CUX1: variants seen among roughly 807,000 people sequenced by gnomAD.
CUX1 encodes protein CASP.
Under a neutral mutation model 158.8 loss-of-function variants are expected in CUX1, and 31 were observed. That is an observed-to-expected ratio of 0.20 (90% confidence interval 0.15 to 0.26). The LOEUF is 0.26. CUX1 is among the 10% of genes least tolerant of loss of function. The probability of loss-of-function intolerance (pLI) is 1.00; values close to 1 mark genes in which losing one functional copy is unlikely to be tolerated. For synonymous variants in CUX1, 879 were observed against 862.1 expected (o/e 1.02, Z -0.34); for missense variants, 1,589 against 2,014.6 (o/e 0.79, Z 4.04).
chr7:101,836,228 G>T (rs1013755350), intron 1 of CUX1, among the ~76,000 whole-genome samples: 1 of 152,118 alleles, frequency 6.6e-6, no homozygotes, highest in Non-Finnish European at 1.5e-5. Context: ...CACCCAGCCC[G>T]TTCCATCTCT....
chr7:102,205,978 T>C (rs1191671089), intron 20 of CUX1, among the ~76,000 whole-genome samples: 1 of 152,142 alleles, frequency 6.6e-6, no homozygotes, highest in Non-Finnish European at 1.5e-5. Flanking sequence ...GCTGGTCCTC[T>C]TTTTCCCTTT....
At chr7:102,258,302 G>A (rs1790114919), downstream of CUX1, 1 of 578,968 alleles carries the variant, frequency 1.7e-6, no homozygotes. Context: ...GTCATTCGAG[G>A]TCCAAAGGGC....
At chr7:101,912,742 C>G (rs980256270) in intron 1 of CUX1, among the ~76,000 whole-genome samples, 11 of 152,270 alleles carry the variant, frequency 7.2e-5, no homozygotes, top group Admixed American at 2.0e-4. Context: ...ATTATCATAT[C>G]CCTTACAATA....
At position 102,257,575 on chromosome 7, in the gene CUX1, G is replaced by A. The variant is rs1399490201; in HGVS notation, c.*8533G>A. 1.7e-5 allele frequency: 17 copies of A among 985,170 alleles called. No homozygotes were observed. The highest frequency in any genetic ancestry group is 5.2e-4 in the Middle Eastern group (1 of 1,936). The allele number at this position is 985,170 out of a possible 1,614,324, so 61.0% of individuals were successfully genotyped here. On this transcript the variant is annotated 3_prime_UTR_variant, in exon 24 of 24. Coordinates refer to ENST00000292535, the MANE Select transcript of CUX1 (RefSeq NM_181552.4). ...TTGAATAAGAGACCTAGTTCTTTGC[G>A]TTTGTGCAATAACTCTTTGCTGCTT...
intron 1 of CUX1, among the ~76,000 whole-genome samples, chr7:101,824,935 C>G (rs961983129): frequency 2.0e-5 from 3 of 152,330 alleles, no homozygotes; most frequent in Admixed American, 2.0e-4. Flanking sequence ...TTCTGTGTCA[C>G]TCTGAAAGGT....
At chr7:101,907,054 A>C (rs1802839269) in intron 1 of CUX1, among the ~76,000 whole-genome samples, 1 of 152,218 alleles carries the variant, frequency 6.6e-6, no homozygotes, top group Non-Finnish European at 1.5e-5. Context: ...GTAGTGAATC[A>C]AAGCCTGTCA....
At chr7:101,882,022 TAA>T (rs71517195) in intron 1 of CUX1, among the ~76,000 whole-genome samples, 42 of 98,076 alleles carry the variant, frequency 4.3e-4, no homozygotes, top group Admixed American at 1.7e-3. Context: ...TACCCAAAAA[TAA>T]AAAAAAAAAA....
intron 3 of CUX1, among the ~76,000 whole-genome samples, chr7:102,043,323 CTGTGTGTGTGTG>C (rs57276921): frequency 0.028 from 3,925 of 139,142 alleles, 63 homozygotes; most frequent in South Asian, 0.041. Context: ...CATTAGCTCA[CTGTGTGTGTGTG>C]TGTGTGTGTG....
intron 11 of CUX1, among the ~76,000 whole-genome samples, 185 bp downstream of exon 11, chr7:102,178,842 C>T (rs1363821686): frequency 6.6e-6 from 1 of 152,154 alleles, no homozygotes; most frequent in African/African-American, 2.4e-5. Context: ...TAAACCCTGG[C>T]ATCAGCCCTT....
chr7:101,938,045 T>A (rs1807159034), intron 2 of CUX1, among the ~76,000 whole-genome samples: 1 of 152,078 alleles, frequency 6.6e-6, no homozygotes, highest in Non-Finnish European at 1.5e-5. Flanking sequence ...AATATTTGGA[T>A]CTAGCTGCTT....
intron 8 of CUX1, among the ~76,000 whole-genome samples, chr7:102,139,357 A>G (rs1209287459): frequency 2.6e-5 from 4 of 152,134 alleles, no homozygotes; most frequent in Admixed American, 6.6e-5. Flanking sequence ...GGCTGAATCC[A>G]ATTTCCTGTC....
In CUX1 at chr7:102,209,173, G is replaced by A. The variant is rs1327718824; in HGVS notation, c.3130+4003G>A. On this transcript the variant is annotated intron_variant, in intron 20 of 23. Coordinates refer to ENST00000292535, the MANE Select transcript of CUX1 (RefSeq NM_181552.4). ...TGAGAGCTCCCGTCAGCCTTTTCCT[G>A]CCGGGCTCTGTTGCCTTGTCTGTCC... Among the ~76,000 whole-genome samples, 3 of 152,308 alleles carry A rather than the reference G, an allele frequency of 2.0e-5. No homozygotes were observed. The East Asian group carries it at 5.8e-4, about 29-fold the overall frequency.
Position 101,912,080 on chromosome 7 carries a change from G to A in CUX1, c.31-4035G>A, listed in dbSNP as rs139264713. Among the ~76,000 whole-genome samples, 156 of 152,296 alleles carry A rather than the reference G, an allele frequency of 1.0e-3. 2 individuals are homozygous for A. Among genetic ancestry groups the A allele is most frequent in the South Asian group, 2.5e-3 (12 of 4,824 alleles). On this transcript the variant is annotated intron_variant, in intron 1 of 23. Coordinates refer to ENST00000292535, the MANE Select transcript of CUX1 (RefSeq NM_181552.4). ...GGGACCTGGGACCAGGGGCCCGCAGGTGTTTCTAGCTGGAGAGGAGTTCTA... is the reference window on the plus strand; with the variant it reads ...GGGACCTGGGACCAGGGGCCCGCAGATGTTTCTAGCTGGAGAGGAGTTCTA...
chr7:102,030,102 C>T (rs1249137659), intron 3 of CUX1, among the ~76,000 whole-genome samples: 1 of 151,986 alleles, frequency 6.6e-6, no homozygotes, highest in Non-Finnish European at 1.5e-5. Context: ...ACCTCCGCCT[C>T]CTGGATTTAA....
chr7:102,163,423 G>A (rs138810341), intron 9 of CUX1, among the ~76,000 whole-genome samples: 2,147 of 152,264 alleles, frequency 0.014, 40 homozygotes, highest in African/African-American at 0.048. Context: ...TTGGGCCCGA[G>A]AGTTCAAAAC....
intron 22 of CUX1, among the ~76,000 whole-genome samples, chr7:102,237,782 T>C (rs1554533402): frequency 2.0e-5 from 3 of 152,190 alleles, no homozygotes. Flanking sequence ...TTGTGGAGAC[T>C]GGTAGTGGCC....
At chr7:102,198,624 C>T (rs1199659676) in intron 15 of CUX1, among the ~76,000 whole-genome samples, 178 bp from the exon 16 acceptor site, 1 of 152,216 alleles carries the variant, frequency 6.6e-6, no homozygotes, top group African/African-American at 2.4e-5. Flanking sequence ...ACGGCCTCTG[C>T]GGGCCGGTCA....
intron 2 of CUX1, among the ~76,000 whole-genome samples, chr7:101,994,757 G>C (rs1479286388): frequency 6.6e-6 from 1 of 151,884 alleles, no homozygotes. Context: ...TTAATTTCTG[G>C]AGGGCATTCA....
chr7:101,841,468 CTTAT>C (rs1345418930), intron 1 of CUX1, among the ~76,000 whole-genome samples: 1 of 151,270 alleles, frequency 6.6e-6, no homozygotes, highest in Non-Finnish European at 1.5e-5. Flanking sequence ...TTTTATGTGG[CTTAT>C]TTCTCACCAT....
Sources: allele counts gnomAD v4.1 joint callset (sites outside exome capture counted in the v4.1 genomes callset), GRCh38; gene constraint gnomAD v4.1.1; transcripts MANE v1.5; gene names NCBI Gene and HGNC (gene_info 2026-07-23, HGNC 2026-07-21).